PLXNA2: variants seen among roughly 807,000 people sequenced by gnomAD.
The protein encoded by PLXNA2 is plexin-A2.
In PLXNA2, 91 loss-of-function variants were observed where a neutral mutation model predicts 193.5. The observed-to-expected ratio is 0.47, with a 90% CI of 0.40 to 0.56. PLXNA2 has a LOEUF of 0.56. Ranked by LOEUF, PLXNA2 falls within the 20% of genes least tolerant of loss-of-function variation. The pLI is 0.00. For missense variants in PLXNA2, 1,995 were observed against 2,503.2 expected (o/e 0.80, Z 4.33); for synonymous variants, 997 against 1,027.3 (o/e 0.97, Z 0.56).
chr1:208,191,859 C>A (rs567136660), intron 3 of PLXNA2, among the ~76,000 whole-genome samples: 1 of 152,034 alleles, frequency 6.6e-6, no homozygotes, highest in African/African-American at 2.4e-5. Context: ...TAGCTGGGCA[C>A]GGGGCAGGGC....
intron 3 of PLXNA2, among the ~76,000 whole-genome samples, chr1:208,195,028 G>T (rs1670315053): frequency 6.6e-6 from 1 of 152,164 alleles, no homozygotes; most frequent in African/African-American, 2.4e-5. Flanking sequence ...TAAGACTCGA[G>T]CTTGACAATA....
intron 9 of PLXNA2, among the ~76,000 whole-genome samples, chr1:208,091,721 A>G (rs2498022): frequency 0.032 from 4,876 of 152,012 alleles, 122 homozygotes; most frequent in Non-Finnish European, 0.047. Flanking sequence ...AAATACAAAA[A>G]TTTGCTGGCA....
In PLXNA2 at chr1:208,187,565, A is replaced by T. The variant is rs144469334; in HGVS notation, c.1371+22715T>A. 1.1e-4 allele frequency among the ~76,000 whole-genome samples: 16 copies of T among 152,340 alleles called. No homozygotes were observed. In the East Asian group the frequency reaches 3.1e-3, roughly 29 times the overall value. On this transcript the variant is annotated intron_variant, in intron 3 of 31. Coordinates refer to ENST00000367033, the MANE Select transcript of PLXNA2 (RefSeq NM_025179.4). Reference sequence around the variant, plus strand: ...TTCCCTAAAGCTGACTCATGAAAGCAAACCTGAAACTCTCACAAGATAAAA... The same window carrying T: ...TTCCCTAAAGCTGACTCATGAAAGCTAACCTGAAACTCTCACAAGATAAAA...
chr1:208,229,183 C>A (rs1283647883), intron 1 of PLXNA2, among the ~76,000 whole-genome samples: 1 of 152,166 alleles, frequency 6.6e-6, no homozygotes, highest in African/African-American at 2.4e-5. Context: ...TCTCTAAAAA[C>A]TGCTAGTTTT....
chr1:208,169,165 T>A (rs925378997), intron 3 of PLXNA2, among the ~76,000 whole-genome samples: 3 of 152,014 alleles, frequency 2.0e-5, no homozygotes, highest in African/African-American at 2.4e-5. Context: ...TGCACTGAGC[T>A]CCTCTGTGTG....
intron 12 of PLXNA2, among the ~76,000 whole-genome samples, chr1:208,069,833 C>A (rs1246354566): frequency 6.6e-6 from 1 of 152,190 alleles, no homozygotes; most frequent in African/African-American, 2.4e-5. Context: ...ATTGAAGATT[C>A]TGAGAATGAT....
At chr1:208,212,913 T>C (rs1242944383) in intron 2 of PLXNA2, among the ~76,000 whole-genome samples, 1 of 152,224 alleles carries the variant, frequency 6.6e-6, no homozygotes, top group Non-Finnish European at 1.5e-5. Context: ...ATGTACCATG[T>C]CTCAGCCTCA....
intron 3 of PLXNA2, among the ~76,000 whole-genome samples, chr1:208,193,490 A>G (rs776631019): frequency 2.0e-5 from 3 of 152,224 alleles, no homozygotes; most frequent in Non-Finnish European, 4.4e-5. Flanking sequence ...CACCCATAAT[A>G]TCGCAGCCCA....
rs57420579 is a variant in PLXNA2 at position 208,046,797 on chromosome 1, AGTGTGTGTGTGTGTGTGT to A, written c.3256-698_3256-681del. On this transcript the variant is annotated intron_variant, in intron 17 of 31. Coordinates refer to ENST00000367033, the MANE Select transcript of PLXNA2 (RefSeq NM_025179.4). ...AGAAAAAAGTAGGACAGAACAGCAT[AGTGTGTGTGTGTGTGTGT>A]GTGTGTGTGTGTGTGTGTGTGTGTG... 7.3e-3 allele frequency among the ~76,000 whole-genome samples: 951 copies of A among 129,630 alleles called. 11 individuals carry two copies. Among genetic ancestry groups the A allele is most frequent in the African/African-American group, 0.025 (835 of 33,490 alleles). 85.0% of individuals were successfully genotyped at this position (129,630 alleles called of 152,430 possible).
intron 12 of PLXNA2, among the ~76,000 whole-genome samples, chr1:208,074,428 C>G (rs1401870021): frequency 6.6e-6 from 1 of 152,196 alleles, no homozygotes; most frequent in Non-Finnish European, 1.5e-5. Context: ...GGGACAGCAT[C>G]ATTATCACAC....
intron 1 of PLXNA2, among the ~76,000 whole-genome samples, chr1:208,238,827 C>T (rs897755538): frequency 1.3e-5 from 2 of 152,202 alleles, no homozygotes; most frequent in African/African-American, 4.8e-5. Context: ...TGTGAAGGCC[C>T]CTCGGGGTTG....
At chr1:208,213,832 G>A (rs942039564) in intron 2 of PLXNA2, among the ~76,000 whole-genome samples, 4 of 152,178 alleles carry the variant, frequency 2.6e-5, no homozygotes, top group African/African-American at 9.7e-5. Flanking sequence ...GAGGCAAGGG[G>A]CTCTCCACTC....
chr1:208,168,403 C>A (rs1032718870), intron 3 of PLXNA2, among the ~76,000 whole-genome samples: 1 of 152,204 alleles, frequency 6.6e-6, no homozygotes, highest in Non-Finnish European at 1.5e-5. Flanking sequence ...GTTTTGTTCA[C>A]TGATGTATTC....
intron 12 of PLXNA2, among the ~76,000 whole-genome samples, chr1:208,070,048 T>G (rs1452158309): frequency 1.3e-5 from 2 of 152,236 alleles, no homozygotes; most frequent in African/African-American, 4.8e-5. Flanking sequence ...CAGCCAGGTT[T>G]ATCTAACCGC....
At chr1:208,052,182 AGT>A in intron 15 of PLXNA2, 143 bp downstream of exon 15, 1 of 721,074 alleles carries the variant, frequency 1.4e-6, no homozygotes, top group East Asian at 2.5e-5. Flanking sequence ...TATTTCTCAC[AGT>A]GACCGGTATG....
intron 3 of PLXNA2, among the ~76,000 whole-genome samples, chr1:208,190,336 C>T (rs753374728): frequency 6.6e-6 from 1 of 152,120 alleles, no homozygotes; most frequent in Non-Finnish European, 1.5e-5. Context: ...AATCCACTAC[C>T]CACTGAGTTG....
intron 12 of PLXNA2, among the ~76,000 whole-genome samples, chr1:208,064,485 G>A (rs567358284): frequency 1.3e-5 from 2 of 152,264 alleles, no homozygotes; most frequent in Admixed American, 1.3e-4. Context: ...CCCTATCGGT[G>A]GTTCCTTTCT....
At chr1:208,206,447 C>T (rs1299603749) in intron 3 of PLXNA2, among the ~76,000 whole-genome samples, 1 of 152,060 alleles carries the variant, frequency 6.6e-6, no homozygotes, top group African/African-American at 2.4e-5. Context: ...CAGGGCTCTC[C>T]CTCCCCTCTT....
chr1:208,092,206 G>A (rs549745045), intron 9 of PLXNA2, among the ~76,000 whole-genome samples: 73 of 152,316 alleles, frequency 4.8e-4, no homozygotes, highest in Non-Finnish European at 8.5e-4. Flanking sequence ...AACAAAGGTG[G>A]GTCAGGCTTT....
Sources: gnomAD v4.1 joint callset for allele counts (sites outside exome capture counted in the v4.1 genomes callset) on GRCh38, gnomAD v4.1.1 for gene constraint, MANE v1.5 for transcripts, NCBI Gene and HGNC (gene_info 2026-07-23, HGNC 2026-07-21) for gene names.